Variants in SNX29 observed in about 807,000 individuals in gnomAD.
SNX29 encodes the protein sorting nexin 29.
A neutral mutation model predicts 102.1 loss-of-function variants in SNX29; 78 were observed. The ratio of observed to expected loss-of-function variants is 0.76; its 90% confidence interval spans 0.64 to 0.92. The LOEUF (loss-of-function observed/expected upper bound fraction) is 0.92. Among genes scored for constraint, SNX29 ranks in the 40% least tolerant of loss-of-function variants. The probability of loss-of-function intolerance (pLI) is 0.00; values close to 1 mark genes in which losing one functional copy is unlikely to be tolerated. For synonymous variants in SNX29, 580 were observed against 414.5 expected (o/e 1.40, Z -4.85); for missense variants, 1,280 against 1,061.7 (o/e 1.21, Z -2.86).
At chr16:12,485,776 C>T (rs1417565314) in intron 19 of SNX29, among the ~76,000 whole-genome samples, 2 of 152,134 alleles carry the variant, frequency 1.3e-5, no homozygotes, top group Non-Finnish European at 2.9e-5. Context: ...GTAAATGAGT[C>T]CTCAGGAGCT....
chr16:12,568,157 T>G (rs2079091398), intron 20 of SNX29, among the ~76,000 whole-genome samples: 1 of 152,188 alleles, frequency 6.6e-6, no homozygotes, highest in Admixed American at 6.5e-5. Context: ...CTTAGAAGCG[T>G]ACCTTTGCTG....
chr16:12,481,455 C>CATAT (rs1555549461), intron 19 of SNX29, among the ~76,000 whole-genome samples: 10,485 of 117,872 alleles, frequency 0.089, 844 homozygotes, highest in East Asian at 0.24. Flanking sequence ...CACATATATA[C>CATAT]ATATATATAT....
At chr16:12,420,422 C>T (rs1033778167) in intron 18 of SNX29, among the ~76,000 whole-genome samples, 8 of 152,150 alleles carry the variant, frequency 5.3e-5, no homozygotes, top group Non-Finnish European at 1.0e-4. Context: ...ATCTTCTCTT[C>T]CAGAGGCCTG....
intron 20 of SNX29, among the ~76,000 whole-genome samples, chr16:12,548,664 A>T (rs1335550329): frequency 1.3e-5 from 2 of 152,190 alleles, no homozygotes; most frequent in Non-Finnish European, 2.9e-5. Context: ...TCAACTCAGC[A>T]AGAAGTGAAG....
intron 20 of SNX29, among the ~76,000 whole-genome samples, chr16:12,539,944 A>T (rs966200863): frequency 6.6e-6 from 1 of 152,170 alleles, no homozygotes; most frequent in Non-Finnish European, 1.5e-5. Context: ...TAGATGCAAG[A>T]CCTTTGTCGA....
At chr16:12,456,799 TC>T (rs924705667) in intron 18 of SNX29, among the ~76,000 whole-genome samples, 2 of 152,102 alleles carry the variant, frequency 1.3e-5, no homozygotes, top group African/African-American at 4.8e-5. Context: ...TGTGAGCTTT[TC>T]CAAAGGTGGA....
chr16:12,530,018 G>T (rs1276329666), intron 20 of SNX29, among the ~76,000 whole-genome samples: 4 of 152,198 alleles, frequency 2.6e-5, no homozygotes, highest in African/African-American at 9.7e-5. Flanking sequence ...TCAGTAAAGT[G>T]TCCATGCATG....
At chr16:12,533,652 T>C (rs1403381665) in intron 20 of SNX29, among the ~76,000 whole-genome samples, 1 of 152,206 alleles carries the variant, frequency 6.6e-6, no homozygotes, top group Non-Finnish European at 1.5e-5. Context: ...GGTTCTGTGA[T>C]CTTCCAGCAT....
chr16:12,560,071 A>G (rs1172535755), intron 20 of SNX29, among the ~76,000 whole-genome samples: 1 of 152,010 alleles, frequency 6.6e-6, no homozygotes, highest in Non-Finnish European at 1.5e-5. Flanking sequence ...CTATGTAACT[A>G]CTGTCCTAAC....
chr16:12,572,722 A>T lies in SNX29; in HGVS notation c.*4093A>T. 1 of 1,063,804 alleles carries T rather than the reference A, an allele frequency of 9.4e-7. No individual in the cohort carries two copies. The highest frequency in any genetic ancestry group is 1.1e-6 in the Non-Finnish European group (1 of 878,384). The allele number at this position is 1,063,804 out of a possible 1,614,324, so 65.9% of individuals were successfully genotyped here. A position where few individuals can be genotyped will look rare whatever the true frequency, so the allele number is the denominator to read the frequency against. ...CAGCATCTTCCAGCCTTGGCACAGA[A>T]CTGATGGCAAAGGAAGGGCTGGGTT... On this transcript the variant is annotated 3_prime_UTR_variant, in exon 21 of 21. Coordinates refer to ENST00000566228, the MANE Select transcript of SNX29 (RefSeq NM_032167.5).
intron 14 of SNX29, among the ~76,000 whole-genome samples, chr16:12,277,728 C>T (rs1435586431): frequency 6.6e-6 from 1 of 152,122 alleles, no homozygotes; most frequent in Non-Finnish European, 1.5e-5. Flanking sequence ...GCGCACACCA[C>T]CATTCCTGGC....
At chr16:12,013,542 T>TATATATATATAGAGAGAGAGAGAG (rs1382498593) in intron 3 of SNX29, among the ~76,000 whole-genome samples, 1 of 109,074 alleles carries the variant, frequency 9.2e-6, no homozygotes, top group African/African-American at 3.5e-5. Context: ...TATATATATA[T>TATATATATATAGAGAGAGAGAGAG]CGAGAGAGGA....
At chr16:12,455,539 C>T (rs956976836) in intron 18 of SNX29, among the ~76,000 whole-genome samples, 13 of 152,226 alleles carry the variant, frequency 8.5e-5, no homozygotes, top group African/African-American at 3.1e-4. Flanking sequence ...CTCTTCCCTC[C>T]CTGAGTTGTG....
At chr16:12,055,069 A>G (rs974282726) in intron 8 of SNX29, among the ~76,000 whole-genome samples, 1 of 152,022 alleles carries the variant, frequency 6.6e-6, no homozygotes, top group Non-Finnish European at 1.5e-5. Flanking sequence ...TGTGTTATTC[A>G]GGGCTTTCTA....
intron 14 of SNX29, among the ~76,000 whole-genome samples, chr16:12,238,904 C>G (rs1027754247): frequency 2.6e-5 from 4 of 152,202 alleles, no homozygotes; most frequent in African/African-American, 9.6e-5. Flanking sequence ...TCAGGTTGGT[C>G]TAAGATGCCT....
chr16:12,046,860 C>G (rs11859670), intron 6 of SNX29, among the ~76,000 whole-genome samples: 60,136 of 152,040 alleles, frequency 0.4, 12,530 homozygotes, highest in Middle Eastern at 0.51. Context: ...CTCAAGTGAT[C>G]CACCCGCCTT....
intron 20 of SNX29, among the ~76,000 whole-genome samples, chr16:12,566,239 C>G (rs887460690): frequency 1.3e-5 from 2 of 152,228 alleles, no homozygotes; most frequent in South Asian, 2.1e-4. Context: ...CCCCAAATGA[C>G]AGACAAGGAA....
At chr16:12,506,566 C>G (rs1383973869) in intron 19 of SNX29, among the ~76,000 whole-genome samples, 1 of 152,180 alleles carries the variant, frequency 6.6e-6, no homozygotes, top group Non-Finnish European at 1.5e-5. Context: ...TAGCATCAGA[C>G]TTGAAAAGGC....
chr16:12,194,033 C>A (rs928550204), intron 13 of SNX29, among the ~76,000 whole-genome samples: 2 of 152,112 alleles, frequency 1.3e-5, no homozygotes, highest in African/African-American at 2.4e-5. Flanking sequence ...AGAAATCCTG[C>A]TGGGATTTTG....
Sources: allele counts gnomAD v4.1 joint callset (sites outside exome capture counted in the v4.1 genomes callset), GRCh38; gene constraint gnomAD v4.1.1; transcripts MANE v1.5; gene names NCBI Gene and HGNC (gene_info 2026-07-23, HGNC 2026-07-21).